The following AMHR2 variants were observed in gnomAD, a reference collection of about 807,000 sequenced individuals.
AMHR2 encodes the protein anti-Muellerian hormone type-2 receptor.
A neutral mutation model predicts 61.4 loss-of-function variants in AMHR2; 36 were observed. That is an observed-to-expected ratio of 0.59 (90% confidence interval 0.45 to 0.77). The LOEUF is 0.77. AMHR2 is among the 30% of genes least tolerant of loss of function. The pLI is 0.00. For synonymous variants in AMHR2, 258 were observed against 279.4 expected (o/e 0.92, Z 0.76); for missense variants, 638 against 714.6 (o/e 0.89, Z 1.22).
chr12:53,426,663 C>G (rs1380563690), intron 6 of AMHR2, among the ~76,000 whole-genome samples: 1 of 151,574 alleles, frequency 6.6e-6, no homozygotes, highest in African/African-American at 2.4e-5. Flanking sequence ...ATTACATAAA[C>G]AATACATGTT....
At chr12:53,424,547 G>C (rs1939367024) in intron 2 of AMHR2, 77 bp downstream of exon 2, 1 of 1,574,012 alleles carries the variant, frequency 6.4e-7, no homozygotes. Context: ...GGCAACCAAG[G>C]GGGAAGGGGA....
intron 9 of AMHR2, 74 bp from the exon 10 acceptor site, chr12:53,430,072 T>G (rs1939981624): frequency 6.2e-7 from 1 of 1,613,970 alleles, no homozygotes; most frequent in South Asian, 1.1e-5. Context: ...GCTCTGCTCT[T>G]CCCTGTCTTG....
At chr12:53,427,448 T>C (rs546516562) in intron 6 of AMHR2, among the ~76,000 whole-genome samples, 1 of 152,162 alleles carries the variant, frequency 6.6e-6, no homozygotes, top group Non-Finnish European at 1.5e-5. Context: ...TTCTGTTGAC[T>C]AGGCTAGAGT....
chr12:53,424,668 C>T (rs1316677810), intron 2 of AMHR2, 41 bp from the exon 3 acceptor site: 3 of 1,584,742 alleles, frequency 1.9e-6, no homozygotes, highest in East Asian at 2.2e-5. Flanking sequence ...TTCTTCCTTG[C>T]CCCCCCTTTC....
chr12:53,425,707 C>T lies in AMHR2; in HGVS notation c.640C>T (p.His214Tyr). The change falls in exon 6 of 11, where the codon CAT (histidine) becomes TAT (tyrosine). Residue 214 changes from histidine to tyrosine, a missense_variant. By Grantham distance (83) the His-to-Tyr change is moderately conservative. Coordinates refer to ENST00000257863, the MANE Select transcript of AMHR2 (RefSeq NM_020547.3). ...CFSQVIREGG[H>Y]AVVWAGQLQG... ...CCAGCAGGTAATCCGGGAAGGAGGT[C>T]ATGCAGTGGTTTGGGCCGGGCAGCT... 2 of 1,614,176 alleles carry T rather than the reference C, an allele frequency of 1.2e-6. No homozygotes were observed. Among genetic ancestry groups the T allele is most frequent in the Non-Finnish European group, 1.7e-6 (2 of 1,180,032 alleles).
chr12:53,430,269 G>A lies in AMHR2; in HGVS notation c.1412G>A (p.Arg471His), dbSNP rs767904039. ...RRRPYIPSTW[R>H]CFATDPDGLR... Reference sequence around the variant, plus strand: ...CGTCCCTACATCCCATCCACCTGGCGCTGCTTTGCCACAGTAAGAGGCCTA... The same window carrying A: ...CGTCCCTACATCCCATCCACCTGGCACTGCTTTGCCACAGTAAGAGGCCTA... Residue 471 changes from arginine (R) to histidine (H), a missense_variant, in exon 10 of 11, where the codon CGC becomes CAC. Transcript: ENST00000257863. 1.1e-5 allele frequency: 17 copies of A among 1,614,044 alleles called. No individual in the cohort carries two copies. The highest frequency in any genetic ancestry group is 3.3e-5 in the South Asian group (3 of 91,088).
chr12:53,424,797 C>T lies in AMHR2; in HGVS notation c.321C>T (p.Phe107=). ...ACCCCAGCCCTGGCTCCACTCTCTT[C>T]ACCTGCTCCTGTGGCACTGACTTCT... ...RAHPSPGSTL[F]TCSCGTDFCN... Residue 107 remains phenylalanine, a synonymous_variant, in exon 3 of 11, where the codon TTC becomes TTT. Coordinates refer to ENST00000257863, the MANE Select transcript of AMHR2 (RefSeq NM_020547.3). The T allele has an allele frequency of 6.2e-7, 1 of 1,614,046 alleles. No homozygotes were observed. Among genetic ancestry groups the T allele is most frequent in the Non-Finnish European group, 8.5e-7 (1 of 1,179,984 alleles).
At chr12:53,424,577 G>T (rs564754384) in intron 2 of AMHR2, 107 bp downstream of exon 2, 24 of 1,549,600 alleles carry the variant, frequency 1.5e-5, no homozygotes, top group Non-Finnish European at 1.9e-5. Flanking sequence ...CATCTGGTGG[G>T]AAAGAAAAGC....
At position 53,429,578 on chromosome 12, in the gene AMHR2, C is replaced by G. The variant is rs1939931195; in HGVS notation, c.1093C>G (p.Pro365Ala). 1 of 1,614,114 alleles carries G rather than the reference C, an allele frequency of 6.2e-7. No homozygotes were observed. Among genetic ancestry groups the G allele is most frequent in the Non-Finnish European group, 8.5e-7 (1 of 1,180,018 alleles). ...GGTGCTCCCTGGCCTCACTCAGCCC[C>G]CTGCCTGGACCCCTACTCAACCACA... Reference protein sequence around the residue: ...ALVLPGLTQPPAWTPTQPQGP... With the variant: ...ALVLPGLTQPAAWTPTQPQGP... Residue 365 changes from proline (P) to alanine (A), a missense_variant, in exon 8 of 11, where the codon CCT becomes GCT. Coordinates refer to ENST00000257863, the MANE Select transcript of AMHR2 (RefSeq NM_020547.3).
At position 53,425,418 on chromosome 12, in the gene AMHR2, A is replaced by T. The variant is rs1378792022; in HGVS notation, c.503-37A>T. On this transcript the variant is annotated intron_variant, in intron 4 of 10. Transcript: ENST00000257863. ...GAAGTCCCTTTTCCTGTCCCTATGC[A>T]TTTGCACCCTGACCCTAAGGCTCTT... 1.9e-6 allele frequency: 3 copies of T among 1,611,180 alleles called. No homozygotes were observed. The Admixed American group carries it at 5.0e-5, about 27-fold the overall frequency.
rs1264192656 is a variant in AMHR2 at position 53,424,895 on chromosome 12, C to T, written c.419C>T (p.Ala140Val). ...GTPGSQGPQAAPGESIWMALV... is the reference protein window; with the variant it reads ...GTPGSQGPQAVPGESIWMALV... ...CCTGGCTCCCAGGGTCCCCAGGCTG[C>T]CCCAGGTAGCCACCCAAGGGTACTG... is the stretch of plus-strand genomic sequence containing the variant. The change falls in exon 3 of 11, where the codon GCC becomes GTC. Residue 140 changes from alanine (A) to valine (V), a missense_variant. Coordinates refer to ENST00000257863, the MANE Select transcript of AMHR2 (RefSeq NM_020547.3). 6.2e-7 allele frequency: 1 copy of T among 1,610,584 alleles called. No homozygotes were observed. The highest frequency in any genetic ancestry group is 1.3e-5 in the African/African-American group (1 of 74,874).
At chr12:53,426,927 C>T (rs1274620766) in intron 6 of AMHR2, among the ~76,000 whole-genome samples, 1 of 150,740 alleles carries the variant, frequency 6.6e-6, no homozygotes, top group African/African-American at 2.4e-5. Flanking sequence ...AAGTGATCCA[C>T]CCATCTTAGC....
chr12:53,427,877 G>T (rs1939750414), intron 6 of AMHR2, among the ~76,000 whole-genome samples: 1 of 152,144 alleles, frequency 6.6e-6, no homozygotes, highest in Non-Finnish European at 1.5e-5. Flanking sequence ...CCTCCATCAG[G>T]ACTGTGTGTG....
rs1420690290 is a variant in AMHR2, at chr12:53,431,569, G to A, written c.*96G>A. 17 of 1,506,702 alleles carry A rather than the reference G, an allele frequency of 1.1e-5. No homozygotes were observed. Among genetic ancestry groups the A allele is most frequent in the Middle Eastern group, 1.7e-4 (1 of 5,904 alleles). The allele number at this position is 1,506,702 out of a possible 1,614,324, so 93.3% of individuals were successfully genotyped here. A position where few individuals can be genotyped will look rare whatever the true frequency, so the allele number is the denominator to read the frequency against. ...CTCATCACTGCATTTCCCACCTGCC[G>A]AATCCTTGGATTCTTCTGCGGGCAT... On this transcript the variant is annotated 3_prime_UTR_variant, in exon 11 of 11. Transcript: ENST00000257863.
chr12:53,429,849 A>G lies in AMHR2; in HGVS notation c.1159A>G (p.Met387Val). 1 of 1,614,212 alleles carries G rather than the reference A, an allele frequency of 6.2e-7. No homozygotes were observed. ...AIMEAGTQRYMAPELLDKTLD... is the reference protein window; with the variant it reads ...AIMEAGTQRYVAPELLDKTLD... ...TCTCCAGGCTGGCACCCAGAGGTAC[A>G]TGGCACCAGAGCTCTTGGACAAGAC... The change falls in exon 9 of 11, where the codon ATG (methionine) becomes GTG (valine). Residue 387 changes from methionine to valine, a missense_variant. Met to Val is a conservative substitution (Grantham distance 21, BLOSUM62 1). Transcript: ENST00000257863.
At chr12:53,427,211 G>A (rs1245879711) in intron 6 of AMHR2, among the ~76,000 whole-genome samples, 3 of 152,154 alleles carry the variant, frequency 2.0e-5, no homozygotes, top group East Asian at 1.9e-4. Flanking sequence ...CTAGGAGAGA[G>A]GGCCAATGAA....
At position 53,425,805 on chromosome 12, in the gene AMHR2, G is replaced by A; in HGVS notation, c.738G>A (p.Leu246=). 6.2e-7 allele frequency: 1 copy of A among 1,614,144 alleles called. No individual in the cohort carries two copies. The highest frequency in any genetic ancestry group is 1.1e-5 in the South Asian group (1 of 91,086). ...CTCAGTTCCAAGCTGAGAGAGCATT[G>A]TACGAACTTCCAGGCCTACAGCACG... The part of the protein sequence containing the change: ...SVAQFQAERA[L]YELPGLQHDH... The change falls in exon 6 of 11, where the codon TTG becomes TTA. Residue 246 remains leucine (L), a synonymous_variant. Coordinates refer to ENST00000257863, the MANE Select transcript of AMHR2 (RefSeq NM_020547.3).
chr12:53,427,970 C>A (rs1939762126), intron 6 of AMHR2, among the ~76,000 whole-genome samples: 2 of 152,178 alleles, frequency 1.3e-5, no homozygotes, highest in African/African-American at 4.8e-5. Flanking sequence ...TTTCAGAGCC[C>A]AAATGCAGTG....
intron 8 of AMHR2, 93 bp downstream of exon 8, chr12:53,429,718 T>C: frequency 6.3e-7 from 1 of 1,598,660 alleles, no homozygotes; most frequent in Non-Finnish European, 8.5e-7. Flanking sequence ...TAGCAATACC[T>C]ATAGCATTTG....
Sources: allele counts gnomAD v4.1 joint callset (sites outside exome capture counted in the v4.1 genomes callset), GRCh38; gene constraint gnomAD v4.1.1; transcripts MANE v1.5; gene names NCBI Gene and HGNC (gene_info 2026-07-23, HGNC 2026-07-21).